The following PRKCB variants were observed in gnomAD, a reference collection of about 807,000 sequenced individuals.
PRKCB encodes protein kinase C beta, also known as protein kinase C beta type.
PRKCB carries 13 observed loss-of-function variants against 81.5 expected under a neutral mutation model. The ratio of observed to expected loss-of-function variants is 0.16; its 90% confidence interval spans 0.10 to 0.25. PRKCB has a LOEUF of 0.25. Ranked by LOEUF, PRKCB falls within the 10% of genes least tolerant of loss-of-function variation. The pLI, the probability that PRKCB is intolerant of heterozygous loss-of-function variation, is 1.00. For synonymous variants in PRKCB, 335 were observed against 321.4 expected, an observed-to-expected ratio of 1.04 and a Z score of -0.45; for missense variants, 509 against 875.7, an observed-to-expected ratio of 0.58 and a Z score of 5.29.
intron 15 of PRKCB, among the ~76,000 whole-genome samples, chr16:24,187,075 G>A (rs750917106): frequency 2.4e-4 from 36 of 152,108 alleles, no homozygotes; most frequent in Non-Finnish European, 3.7e-4. Flanking sequence ...GGGTGGGGGC[G>A]GGTAGAGAGA....
intron 12 of PRKCB, among the ~76,000 whole-genome samples, chr16:24,176,896 A>G (rs77854755): frequency 1.1e-5 from 1 of 91,660 alleles, no homozygotes; most frequent in African/African-American, 4.1e-5. Flanking sequence ...CTCCATTTCA[A>G]AAAAAAAAAA....
chr16:23,837,338 C>A, intron 1 of PRKCB, 37 bp from the exon 2 acceptor site: 1 of 1,612,692 alleles, frequency 6.2e-7, no homozygotes, highest in Admixed American at 1.7e-5. Flanking sequence ...CTGGGCCCCC[C>A]GGGCTGCCTG....
chr16:23,920,177 T>G lies in PRKCB; in HGVS notation c.206-68331T>G, dbSNP rs951013747. ...ACATGTTATTTTCTTTTTCTTTTTT[T>G]GATAGTAGCCATTTAATGGGTATGA... On this transcript the variant is annotated intron_variant, in intron 2 of 16. Coordinates refer to ENST00000643927, the MANE Select transcript of PRKCB (RefSeq NM_002738.7). Among the ~76,000 whole-genome samples, 3 of 152,354 alleles carry G rather than the reference T, an allele frequency of 2.0e-5. No individual in the cohort carries two copies. The South Asian group carries it at 6.2e-4, about 32-fold the overall frequency.
chr16:23,873,198 A>G lies in PRKCB; in HGVS notation c.205+35792A>G, dbSNP rs531354722. ...CACACACACACACACACAAAAAAAA[A>G]AAAAAAAAAAAGAAAAAAAAAGTTA... On this transcript the variant is annotated intron_variant, in intron 2 of 16. Transcript: ENST00000643927. Among the ~76,000 whole-genome samples the G allele has an allele frequency of 2.1e-3, 291 of 141,724 alleles. 4 individuals are homozygous for G. Among genetic ancestry groups the G allele is most frequent in the Middle Eastern group, 0.01 (3 of 294 alleles). 93.0% of individuals were successfully genotyped at this position (141,724 alleles called of 152,430 possible). A position where few individuals can be genotyped will look rare whatever the true frequency, so the allele number is the denominator to read the frequency against.
In PRKCB at chr16:24,059,553, G is replaced by A. The variant is rs367653300; in HGVS notation, c.529+24006G>A. Among the ~76,000 whole-genome samples, 16 of 151,992 alleles carry A rather than the reference G, an allele frequency of 1.1e-4. 3 individuals are homozygous for A. The highest frequency in any genetic ancestry group is 3.3e-4 in the Admixed American group (5 of 15,276). On this transcript the variant is annotated intron_variant, in intron 5 of 16. Coordinates refer to ENST00000643927, the MANE Select transcript of PRKCB (RefSeq NM_002738.7). ...GTGGTGGTGCATGCCTGTGGTCCAA[G>A]CCACTGGGGAGGCTAAGGTGGAAGG...
intron 2 of PRKCB, among the ~76,000 whole-genome samples, chr16:23,972,288 T>G (rs936902052): frequency 6.6e-6 from 1 of 152,234 alleles, no homozygotes; most frequent in Non-Finnish European, 1.5e-5. Context: ...TTTTAGGTGG[T>G]GCCCATGCTC....
intron 5 of PRKCB, among the ~76,000 whole-genome samples, chr16:24,078,448 G>T (rs75203845): frequency 0.016 from 2,370 of 152,292 alleles, 56 homozygotes; most frequent in African/African-American, 0.055. Context: ...CTAACTTATT[G>T]GATGCCTGAC....
At chr16:24,159,261 T>G (rs1008565154) in intron 10 of PRKCB, among the ~76,000 whole-genome samples, 1 of 152,152 alleles carries the variant, frequency 6.6e-6, no homozygotes, top group Non-Finnish European at 1.5e-5. Flanking sequence ...ATTTTGCAGG[T>G]GAAAGGATTG....
chr16:24,176,649 T>C (rs896120288), intron 12 of PRKCB, among the ~76,000 whole-genome samples: 2 of 152,078 alleles, frequency 1.3e-5, no homozygotes, highest in Non-Finnish European at 2.9e-5. Context: ...ACCCAACACA[T>C]AGGGAGGCCG....
At chr16:24,049,036 C>T (rs1440769107) in intron 5 of PRKCB, among the ~76,000 whole-genome samples, 1 of 110,600 alleles carries the variant, frequency 9.0e-6, no homozygotes, top group African/African-American at 3.5e-5. Flanking sequence ...AACATTTCTT[C>T]AAATTGGCCT....
intron 3 of PRKCB, among the ~76,000 whole-genome samples, chr16:24,021,056 T>TCCC (rs1965368142): frequency 4.2e-5 from 2 of 47,192 alleles, no homozygotes; most frequent in Non-Finnish European, 8.2e-5. Context: ...CTTTCTTTCT[T>TCCC]TCCCTCCCTC....
chr16:23,871,412 C>T (rs1962901887), intron 2 of PRKCB, among the ~76,000 whole-genome samples: 1 of 152,170 alleles, frequency 6.6e-6, no homozygotes, highest in Non-Finnish European at 1.5e-5. Flanking sequence ...TCTTCTTTGA[C>T]TTCTCTAAGC....
At chr16:24,108,104 G>A (rs1966600870) in intron 7 of PRKCB, among the ~76,000 whole-genome samples, 1 of 151,740 alleles carries the variant, frequency 6.6e-6, no homozygotes, top group South Asian at 2.1e-4. Flanking sequence ...CCTTTAGTAA[G>A]CAACACCATC....
At chr16:23,937,900 T>A (rs1201921638) in intron 2 of PRKCB, among the ~76,000 whole-genome samples, 1 of 152,132 alleles carries the variant, frequency 6.6e-6, no homozygotes, top group African/African-American at 2.4e-5. Context: ...CGTTCAGTTG[T>A]GTGGCTGCCA....
intron 3 of PRKCB, among the ~76,000 whole-genome samples, chr16:24,005,892 C>A (rs1965111462): frequency 6.6e-6 from 1 of 152,314 alleles, no homozygotes; most frequent in Non-Finnish European, 1.5e-5. Flanking sequence ...AGTGGGGACA[C>A]CCACAGTGAA....
chr16:24,160,734 A>G (rs943927584), intron 10 of PRKCB, among the ~76,000 whole-genome samples: 2 of 152,120 alleles, frequency 1.3e-5, no homozygotes, highest in Non-Finnish European at 2.9e-5. Flanking sequence ...GAGGATGGAG[A>G]TGGATGGATT....
chr16:24,198,859 C>G (rs1967916030), intron 16 of PRKCB, among the ~76,000 whole-genome samples: 1 of 152,148 alleles, frequency 6.6e-6, no homozygotes, highest in Non-Finnish European at 1.5e-5. Flanking sequence ...GTTAAGATCC[C>G]CTTTCCTCCA....
chr16:23,918,864 G>A (rs1328374260), intron 2 of PRKCB, among the ~76,000 whole-genome samples: 1 of 152,206 alleles, frequency 6.6e-6, no homozygotes, highest in Non-Finnish European at 1.5e-5. Flanking sequence ...ATAAAACAAT[G>A]GATAAGATCA....
intron 2 of PRKCB, among the ~76,000 whole-genome samples, chr16:23,979,384 T>C (rs116621478): frequency 0.011 from 1,647 of 151,746 alleles, 31 homozygotes; most frequent in African/African-American, 0.038. Flanking sequence ...ACGTAAAATC[T>C]CATTTAGATT....
Sources: gnomAD v4.1 joint callset for allele counts (sites outside exome capture counted in the v4.1 genomes callset) on GRCh38, gnomAD v4.1.1 for gene constraint, MANE v1.5 for transcripts, NCBI Gene and HGNC (gene_info 2026-07-23, HGNC 2026-07-21) for gene names.